Variants in RCCD1 observed in about 807,000 individuals in gnomAD.
The protein encoded by RCCD1 is RCC1 domain-containing protein 1.
Under a neutral mutation model 37.6 loss-of-function variants are expected in RCCD1, and 40 were observed. That is an observed-to-expected ratio of 1.06 (90% CI 0.83 to 1.39). RCCD1 has a LOEUF of 1.39. RCCD1 is among the 40% of genes most tolerant of loss of function. The pLI, the probability that RCCD1 is intolerant of heterozygous loss-of-function variation, is 0.00. For synonymous variants in RCCD1, 263 were observed against 230.0 expected (o/e 1.14, Z -1.30); for missense variants, 577 against 517.3 (o/e 1.12, Z -1.12).
At chr15:90,960,999 A>G (rs1358744918) in intron 6 of RCCD1, 26 bp from the exon 7 acceptor site, 1 of 1,613,138 alleles carries the variant, frequency 6.2e-7, no homozygotes, top group Non-Finnish European at 8.5e-7. Flanking sequence ...CGTAGTGACA[A>G]CTATCGATTG....
At position 90,961,477 on chromosome 15, in the gene RCCD1, G is replaced by A; in HGVS notation, c.980-141G>A. ...TAGCCTCTTGGGGATCCCCAAGGTT[G>A]CCTGGCTCTGGGTCTCTTGGATTCA... On this transcript the variant is annotated intron_variant, in intron 7 of 7. Transcript: ENST00000394258. The A allele has an allele frequency of 8.3e-6, 8 of 969,246 alleles. No individual in the cohort carries two copies. In the South Asian group the frequency reaches 1.1e-4, roughly 13 times the overall value. The allele number at this position is 969,246 out of a possible 1,614,324, so 60.0% of individuals were successfully genotyped here. A position where few individuals can be genotyped will look rare whatever the true frequency, so the allele number is the denominator to read the frequency against.
intron 6 of RCCD1, 139 bp downstream of exon 6, chr15:90,960,637 C>A (rs1398335015): frequency 1.1e-5 from 9 of 793,872 alleles, no homozygotes; most frequent in Admixed American, 5.8e-5. Context: ...AAGCCCCAAC[C>A]CCCTTGTTGT....
Position 90,956,760 on chromosome 15 carries a change from G to A in RCCD1, c.26G>A (p.Trp9Ter). 3.8e-6 allele frequency: 5 copies of A among 1,331,118 alleles called. No homozygotes were observed. The highest frequency in any genetic ancestry group is 2.3e-5 in the South Asian group (1 of 43,354). 82.5% of individuals were successfully genotyped at this position (1,331,118 alleles called of 1,614,324 possible). A position where few individuals can be genotyped will look rare whatever the true frequency, so the allele number is the denominator to read the frequency against. MAEERPGA[W>*]FGFGFCGFGQ... ...ATGGCGGAGGAGCGGCCGGGGGCCTGGTTCGGCTTCGGTTTCTGCGGCTTC... is the reference window on the plus strand; with the variant it reads ...ATGGCGGAGGAGCGGCCGGGGGCCTAGTTCGGCTTCGGTTTCTGCGGCTTC... The change falls in exon 2 of 8, where the codon TGG becomes TAG. Residue 9 changes from tryptophan (W) to a stop codon, truncating the protein, a stop_gained. Transcript: ENST00000394258. LOFTEE classifies it high-confidence loss of function.
intron 4 of RCCD1, 74 bp downstream of exon 4, chr15:90,957,799 T>TG: frequency 6.5e-7 from 1 of 1,532,388 alleles, no homozygotes; most frequent in Non-Finnish European, 8.8e-7. Flanking sequence ...CCAGTTTGGG[T>TG]GGGGGCCTAC....
At chr15:90,955,902 C>T (rs189546381) in intron 1 of RCCD1, 1 of 152,052 alleles carries the variant, frequency 6.6e-6, no homozygotes, top group Non-Finnish European at 1.5e-5. Flanking sequence ...GAAATTCTGT[C>T]TGTATAAGTT....
rs760045378 is a variant in RCCD1, at chr15:90,961,779, G to A, written c.*10G>A. On this transcript the variant is annotated 3_prime_UTR_variant, in exon 8 of 8. Transcript: ENST00000394258. ...GAAAGGGAAGAGCTGACATGTGTAC[G>A]TATATGTATATGCAACACCTGTGAG... 3.4e-5 allele frequency: 55 copies of A among 1,610,538 alleles called. No homozygotes were observed. Among genetic ancestry groups the A allele is most frequent in the South Asian group, 1.3e-4 (12 of 90,798 alleles).
At position 90,957,378 on chromosome 15, in the gene RCCD1, G is replaced by A. The variant is rs945149728; in HGVS notation, c.432G>A (p.Val144=). The part of the protein sequence containing the change: ...LPLLPCARAY[V]SPRAPFYRPL... ...TGCTGCCCTGCGCCCGTGCCTACGT[G>A]AGCCCGCGGGCGCCCTTCTACCGGC... Residue 144 remains valine (V), a synonymous_variant, in exon 3 of 8, where the codon GTG becomes GTA. Transcript: ENST00000394258. 2 of 1,544,540 alleles carry A rather than the reference G, an allele frequency of 1.3e-6. No homozygotes were observed. The highest frequency in any genetic ancestry group is 1.4e-5 in the African/African-American group (1 of 72,968).
At chr15:90,956,552 C>G (rs557526773) in intron 1 of RCCD1, 60 bp from the exon 2 acceptor site, 1 of 529,688 alleles carries the variant, frequency 1.9e-6, no homozygotes, top group South Asian at 1.0e-4. Context: ...GCTCAGCGAA[C>G]CTTCGTGGCA....
Position 90,960,510 on chromosome 15 carries a change from T to C in RCCD1, c.949+12T>C. The C allele has an allele frequency of 6.2e-7, 1 of 1,602,458 alleles. No individual in the cohort carries two copies. Among genetic ancestry groups the C allele is most frequent in the South Asian group, 1.1e-5 (1 of 90,640 alleles). ...AGCTGTGGTGACACGTGAGTGGGGC[T>C]GGGAGGCACTCTGCTCCACTCGAGC... On this transcript the variant is annotated intron_variant, in intron 6 of 7. Coordinates refer to ENST00000394258, the MANE Select transcript of RCCD1 (RefSeq NM_001017919.2).
At position 90,962,232 on chromosome 15, in the gene RCCD1, T is replaced by C. The variant is rs1481012276; in HGVS notation, c.*463T>C. 1 of 154,754 alleles carries C rather than the reference T, an allele frequency of 6.5e-6. No homozygotes were observed. The highest frequency in any genetic ancestry group is 6.3e-5 in the Admixed American group (1 of 15,900). The allele number at this position is 154,754 out of a possible 1,614,324, so 9.6% of individuals were successfully genotyped here. On this transcript the variant is annotated 3_prime_UTR_variant, in exon 8 of 8. Transcript: ENST00000394258. ...TAAATGGAATCCTGTGTATGTGCTT[T>C]TGTGTCGTTTTTGTCACTCAGCATT...
chr15:90,959,988 C>T lies in RCCD1; in HGVS notation c.768C>T (p.Val256=), dbSNP rs148056787. ...TRNLAEDGET[V]AREATELNED... Reference sequence around the variant, plus strand: ...ACCTGGCAGAGGATGGAGAGACTGTCGCAAGGGAAGGTGAGGGTCATCTCG... The same window carrying T: ...ACCTGGCAGAGGATGGAGAGACTGTTGCAAGGGAAGGTGAGGGTCATCTCG... The change falls in exon 5 of 8, where the codon GTC becomes GTT. Residue 256 remains valine, a synonymous_variant. Transcript: ENST00000394258. The T allele has an allele frequency of 6.1e-5, 99 of 1,612,468 alleles. No homozygotes were observed. In the South Asian group the frequency reaches 6.8e-4, roughly 11 times the overall value.
rs576032988 is a variant in RCCD1, at chr15:90,962,011, T to G, written c.*242T>G. On this transcript the variant is annotated 3_prime_UTR_variant, in exon 8 of 8. Coordinates refer to ENST00000394258, the MANE Select transcript of RCCD1 (RefSeq NM_001017919.2). ...TCAATGAAACAATGAAACCAGAGCT[T>G]CTAGGTGTGTGGCCTGGATAGTGGT... 9 of 298,504 alleles carry G rather than the reference T, an allele frequency of 3.0e-5. No individual in the cohort carries two copies. In the South Asian group the frequency reaches 7.1e-4, roughly 24 times the overall value. The allele number at this position is 298,504 out of a possible 1,614,324, so 18.5% of individuals were successfully genotyped here.
chr15:90,958,924 ACT>A (rs1277439502), intron 4 of RCCD1, among the ~76,000 whole-genome samples: 2 of 134,670 alleles, frequency 1.5e-5, no homozygotes, highest in African/African-American at 3.0e-5. Context: ...ACAGAGTGAG[ACT>A]CTGTCTGTCT....
Position 90,957,515 on chromosome 15 carries a change from CG to C in RCCD1, c.557+17del, listed in dbSNP as rs759881329. ...TGGGGCGGGGGCAGGTGAGCGGAGG[CG>C]GGGGCAGGTGAGGGCTGCTGATTGG... On this transcript the variant is annotated intron_variant, in intron 3 of 7. Transcript: ENST00000394258. The C allele has an allele frequency of 3.9e-5, 61 of 1,581,538 alleles. 1 individual carries two copies. The African/African-American group carries it at 7.9e-4, about 20-fold the overall frequency.
chr15:90,957,042 C>T (rs1047565401), intron 2 of RCCD1, 71 bp from the exon 3 acceptor site: 461 of 1,294,994 alleles, frequency 3.6e-4, no homozygotes, highest in Non-Finnish European at 4.2e-4. Flanking sequence ...TCGACCCCTT[C>T]CCAGGAACAC....
At chr15:90,959,626 C>G (rs1036412687) in intron 4 of RCCD1, 6 of 265,772 alleles carry the variant, frequency 2.3e-5, no homozygotes, top group Non-Finnish European at 4.3e-5. Context: ...TGCGGTACTT[C>G]TAGGGATACA....
intron 1 of RCCD1, chr15:90,955,547 C>A (rs1259146683): frequency 6.6e-6 from 1 of 152,220 alleles, no homozygotes; most frequent in African/African-American, 2.4e-5. Flanking sequence ...ACTTAAGAGG[C>A]CTGAAAATGC....
Position 90,959,883 on chromosome 15 carries a change from C to T in RCCD1, c.680-17C>T, listed in dbSNP as rs111477163. On this transcript the variant is annotated splice_polypyrimidine_tract_variant and intron_variant, in intron 4 of 7. Transcript: ENST00000394258. ...GGCTTCACAGTCTGTTTCATGTGTC[C>T]CCTTGATCTCTTTCAGAGACTGGGG... 38 of 1,580,304 alleles carry T rather than the reference C, an allele frequency of 2.4e-5. No individual in the cohort carries two copies. The highest frequency in any genetic ancestry group is 3.1e-5 in the Non-Finnish European group (36 of 1,153,250).
Position 90,960,089 on chromosome 15 carries a change from G to A in RCCD1, c.778+91G>A. Reference sequence around the variant, plus strand: ...TGTATGCTGGCCTCAGAGCTACACTGCTCAGATGGAGCATGTGAGCCCCTT... The same window carrying A: ...TGTATGCTGGCCTCAGAGCTACACTACTCAGATGGAGCATGTGAGCCCCTT... On this transcript the variant is annotated intron_variant, in intron 5 of 7. Transcript: ENST00000394258. The A allele has an allele frequency of 3.6e-6, 4 of 1,112,880 alleles. 1 individual carries two copies. Among genetic ancestry groups the A allele is most frequent in the South Asian group, 2.9e-5 (2 of 70,058 alleles). 68.9% of individuals were successfully genotyped at this position (1,112,880 alleles called of 1,614,324 possible).
Sources: allele counts gnomAD v4.1 joint callset (sites outside exome capture counted in the v4.1 genomes callset), GRCh38; gene constraint gnomAD v4.1.1; transcripts MANE v1.5; gene names NCBI Gene and HGNC (gene_info 2026-07-23, HGNC 2026-07-21).